AKR1E2: variants seen among roughly 807,000 people sequenced by gnomAD.
AKR1E2 encodes aldo-keto reductase family 1 member E2.
In AKR1E2, 43 loss-of-function variants were observed where a neutral mutation model predicts 41.9. The ratio of observed to expected loss-of-function variants is 1.03; its 90% CI spans 0.80 to 1.32. AKR1E2 has a LOEUF of 1.32. Among genes scored for constraint, AKR1E2 ranks in the 40% most tolerant of loss-of-function variants. The pLI is 0.00. For synonymous variants in AKR1E2, 121 were observed against 138.9 expected (o/e 0.87, Z 0.91); for missense variants, 423 against 396.5 (o/e 1.07, Z -0.57).
At chr10:4,846,734 T>C (rs1227784438) in intron 8 of AKR1E2, among the ~76,000 whole-genome samples, 2 of 152,128 alleles carry the variant, frequency 1.3e-5, no homozygotes, top group Non-Finnish European at 2.9e-5. Flanking sequence ...TTAGTAGAGA[T>C]GGGGTTTCAC....
the AKR1E2 span, among the ~76,000 whole-genome samples, chr10:4,861,526 G>A: frequency 6.6e-6 from 1 of 151,892 alleles, no homozygotes; most frequent in African/African-American, 2.4e-5. Context: ...GCACCACCGC[G>A]CCCAGCTAAT....
chr10:4,834,783 G>A (rs1016496185), intron 3 of AKR1E2, among the ~76,000 whole-genome samples: 3 of 152,216 alleles, frequency 2.0e-5, no homozygotes, highest in Non-Finnish European at 2.9e-5. Flanking sequence ...AAAGGAAAAG[G>A]TCTCAGATCA....
At chr10:4,841,390 A>G (rs1833858889) in intron 6 of AKR1E2, among the ~76,000 whole-genome samples, 1 of 152,154 alleles carries the variant, frequency 6.6e-6, no homozygotes, top group Non-Finnish European at 1.5e-5. Flanking sequence ...AACTTTTCTG[A>G]AAGTATCATC....
chr10:4,825,376 A>C (rs1051097712), upstream of AKR1E2, among the ~76,000 whole-genome samples: 1 of 152,058 alleles, frequency 6.6e-6, no homozygotes, highest in African/African-American at 2.4e-5. Flanking sequence ...AGGAGAGATA[A>C]GAGGGGCGTC....
chr10:4,845,753 T>C, intron 8 of AKR1E2: 1 of 471,116 alleles, frequency 2.1e-6, no homozygotes, highest in Non-Finnish European at 4.4e-6. Flanking sequence ...TGGGCCCAGC[T>C]GAGATGCCCC....
At chr10:4,853,442 CAAA>C in the AKR1E2 span, among the ~76,000 whole-genome samples, 4,817 of 114,746 alleles carry the variant, frequency 0.042, 129 homozygotes, top group East Asian at 0.14. Context: ...AACTTGTTGC[CAAA>C]AAAAAAAAAA....
At chr10:4,836,653 G>A (rs1462247629) in intron 4 of AKR1E2, among the ~76,000 whole-genome samples, 1 of 152,204 alleles carries the variant, frequency 6.6e-6, no homozygotes, top group Non-Finnish European at 1.5e-5. Context: ...ATCAATAGAA[G>A]ACAAAGACTG....
In AKR1E2 at chr10:4,844,425, C is replaced by T. The variant is rs1210602120; in HGVS notation, c.837+1921C>T. Among the ~76,000 whole-genome samples the T allele has an allele frequency of 2.0e-5, 3 of 152,232 alleles. No individual in the cohort carries two copies. In the East Asian group the frequency reaches 5.8e-4, roughly 29 times the overall value. On this transcript the variant is annotated intron_variant, in intron 8 of 9. Coordinates refer to ENST00000298375, the MANE Select transcript of AKR1E2 (RefSeq NM_001040177.3). Reference sequence around the variant, plus strand: ...TGCAAAGACCGAAACAACAAAGCTTCCGCAGTGTGGAAGGGGACGGGAGTG... The same window carrying T: ...TGCAAAGACCGAAACAACAAAGCTTTCGCAGTGTGGAAGGGGACGGGAGTG...
In AKR1E2 at chr10:4,833,408, A is replaced by G. The variant is rs1441548895; in HGVS notation, c.266A>G (p.Lys89Arg). Reference sequence around the variant, plus strand: ...GAAACAGCATGCAGAAAGAGTCTCAAGGCCTTGAAGCTGAACTATTTGGAC... The same window carrying G: ...GAAACAGCATGCAGAAAGAGTCTCAGGGCCTTGAAGCTGAACTATTTGGAC... ...LVETACRKSL[K>R]ALKLNYLDLY... is the part of the protein sequence containing the mutation. The change falls in exon 3 of 10, where the codon AAG (lysine) becomes AGG (arginine). Residue 89 changes from lysine to arginine, a missense_variant. Transcript: ENST00000298375. 10 of 1,614,052 alleles carry G rather than the reference A, an allele frequency of 6.2e-6. No individual in the cohort carries two copies. The African/African-American group carries it at 6.7e-5, about 11-fold the overall frequency.
chr10:4,852,569 T>C (rs1389255207), downstream of AKR1E2, among the ~76,000 whole-genome samples: 1 of 118,498 alleles, frequency 8.4e-6, no homozygotes, highest in Non-Finnish European at 1.9e-5. Context: ...TAAGTGGGAT[T>C]GAGTTGTGAC....
upstream of AKR1E2, chr10:4,825,092 C>A: frequency 2.2e-6 from 1 of 445,818 alleles, no homozygotes. Context: ...TCGAAGATCC[C>A]CCTTCCCACC....
At chr10:4,841,426 T>C (rs1181589064) in intron 6 of AKR1E2, among the ~76,000 whole-genome samples, 2 of 152,176 alleles carry the variant, frequency 1.3e-5, no homozygotes, top group East Asian at 1.9e-4. Flanking sequence ...TTCGCTGTGC[T>C]GTGCCAGGGT....
chr10:4,857,608 A>G, the AKR1E2 span, among the ~76,000 whole-genome samples: 3 of 152,208 alleles, frequency 2.0e-5, no homozygotes, highest in African/African-American at 7.2e-5. Flanking sequence ...GTATTTCTTT[A>G]TAGCAATGCA....
chr10:4,826,602 C>G (rs1351414587), intron 1 of AKR1E2, among the ~76,000 whole-genome samples: 1 of 152,120 alleles, frequency 6.6e-6, no homozygotes, highest in Non-Finnish European at 1.5e-5. Flanking sequence ...AAGCGGGAAC[C>G]TCGGCAGCCA....
intron 5 of AKR1E2, 32 bp downstream of exon 5, chr10:4,837,613 C>T: frequency 6.3e-7 from 1 of 1,594,922 alleles, no homozygotes; most frequent in Non-Finnish European, 8.6e-7. Flanking sequence ...AGAGTTTAAC[C>T]TGTGTGGCTG....
At chr10:4,838,816 T>C (rs910738432) in intron 5 of AKR1E2, among the ~76,000 whole-genome samples, 1 of 152,198 alleles carries the variant, frequency 6.6e-6, no homozygotes, top group African/African-American at 2.4e-5. Context: ...TTTGTGTCAG[T>C]ATTTTTAGTT....
intron 1 of AKR1E2, among the ~76,000 whole-genome samples, chr10:4,829,722 A>G (rs1156298721): frequency 6.6e-6 from 1 of 151,778 alleles, no homozygotes; most frequent in Non-Finnish European, 1.5e-5. Context: ...TATTGGTAAT[A>G]TTTTCTTTTA....
At chr10:4,832,942 C>G (rs2131510291) in intron 2 of AKR1E2, among the ~76,000 whole-genome samples, 1 of 152,284 alleles carries the variant, frequency 6.6e-6, no homozygotes, top group South Asian at 2.1e-4. Flanking sequence ...GTTACAGTGC[C>G]TTAGGAACAG....
chr10:4,834,131 C>G (rs1358664141), intron 3 of AKR1E2, among the ~76,000 whole-genome samples: 1 of 152,206 alleles, frequency 6.6e-6, no homozygotes, highest in African/African-American at 2.4e-5. Context: ...CCTGCCTGGG[C>G]AAGGGCCTGA....
Sources: gnomAD v4.1 joint callset for allele counts (sites outside exome capture counted in the v4.1 genomes callset) on GRCh38, gnomAD v4.1.1 for gene constraint, MANE v1.5 for transcripts, NCBI Gene and HGNC (gene_info 2026-07-23, HGNC 2026-07-21) for gene names.